TCF4: variants seen among roughly 807,000 people sequenced by gnomAD.
TCF4 encodes the protein SL3-3 enhancer factor 2.
In TCF4, 3 loss-of-function variants were observed where a neutral mutation model predicts 82.1. That is an observed-to-expected ratio of 0.04 (90% CI 0.02 to 0.09). TCF4 has a LOEUF of 0.09. TCF4 is among the 10% of genes least tolerant of loss of function. The pLI is 1.00. For synonymous variants in TCF4, 276 were observed against 309.6 expected (o/e 0.89, Z 1.14); for missense variants, 518 against 852.7 (o/e 0.61, Z 4.89).
intron 2 of TCF4, among the ~76,000 whole-genome samples, chr18:55,628,522 G>A (rs2097728734): frequency 6.6e-6 from 1 of 151,780 alleles, no homozygotes; most frequent in Admixed American, 6.6e-5. Flanking sequence ...TAAATGTTGT[G>A]TTTAGTGGGC....
At chr18:55,523,981 A>T (rs1471277678) in intron 3 of TCF4, among the ~76,000 whole-genome samples, 1 of 152,140 alleles carries the variant, frequency 6.6e-6, no homozygotes, top group Non-Finnish European at 1.5e-5. Flanking sequence ...GCAAACTTAC[A>T]CTTAAATATT....
chr18:55,595,264 T>G (rs1603625109), intron 2 of TCF4, among the ~76,000 whole-genome samples: 1 of 152,162 alleles, frequency 6.6e-6, no homozygotes, highest in East Asian at 1.9e-4. Flanking sequence ...CACCTAAAAG[T>G]AGGAAAAATC....
rs181081141 is a variant in TCF4 at position 55,595,100 on chromosome 18, A to G, written c.287-7964T>C. Among the ~76,000 whole-genome samples the G allele has an allele frequency of 1.8e-4, 28 of 152,350 alleles. No homozygotes were observed. In the South Asian group the frequency reaches 2.9e-3, roughly 16 times the overall value. ...CTTAAAATAGAACACTCAGACTGCA[A>G]CAGAGAAAACAGTTTTATGATTAGA... On this transcript the variant is annotated intron_variant, in intron 2 of 20. Coordinates refer to the TCF4 transcript ENST00000398339.
intron 16 of TCF4, 148 bp downstream of exon 16, chr18:55,234,400 C>A: frequency 9.1e-7 from 1 of 1,098,390 alleles, no homozygotes; most frequent in Admixed American, 2.2e-5. Flanking sequence ...GTTCTAAATA[C>A]TTTGCCATTT....
At chr18:55,330,425 G>A (rs2077342374) in intron 8 of TCF4, among the ~76,000 whole-genome samples, 1 of 151,954 alleles carries the variant, frequency 6.6e-6, no homozygotes, top group Non-Finnish European at 1.5e-5. Flanking sequence ...TGATCCGCCT[G>A]CCTCGGCCTC....
At chr18:55,359,279 T>G (rs1052518571) in intron 6 of TCF4, among the ~76,000 whole-genome samples, 11 of 152,326 alleles carry the variant, frequency 7.2e-5, no homozygotes, top group African/African-American at 2.6e-4. Context: ...TTTCAAATTA[T>G]TTTTCTTTTT....
intron 8 of TCF4, among the ~76,000 whole-genome samples, chr18:55,329,976 G>A (rs2077226254): frequency 6.6e-6 from 1 of 152,136 alleles, no homozygotes; most frequent in African/African-American, 2.4e-5. Flanking sequence ...TGCCGAGTGG[G>A]TTGTGTTCTC....
intron 8 of TCF4, among the ~76,000 whole-genome samples, chr18:55,287,001 A>C (rs1292511256): frequency 6.6e-6 from 1 of 152,208 alleles, no homozygotes; most frequent in Non-Finnish European, 1.5e-5. Context: ...AGAATTAACT[A>C]AATAGTTCTA....
At chr18:55,257,138 C>T (rs1226669643) in intron 14 of TCF4, among the ~76,000 whole-genome samples, 177 bp downstream of exon 14, 1 of 152,088 alleles carries the variant, frequency 6.6e-6, no homozygotes, top group African/African-American at 2.4e-5. Flanking sequence ...TCTGGGTTCC[C>T]ATCTCCAAAT....
intron 6 of TCF4, among the ~76,000 whole-genome samples, chr18:55,379,180 TA>T (rs2091432868): frequency 6.6e-6 from 1 of 152,230 alleles, no homozygotes; most frequent in East Asian, 1.9e-4. Flanking sequence ...GTGAAGAACT[TA>T]TTTCTTTTCT....
chr18:55,392,413 G>T (rs1456300500), intron 6 of TCF4, among the ~76,000 whole-genome samples: 2 of 142,644 alleles, frequency 1.4e-5, no homozygotes, highest in Non-Finnish European at 3.0e-5. Context: ...CAGCCCAGGG[G>T]TTTGAGTCCC....
At chr18:55,229,152 C>G in intron 17 of TCF4, 76 bp from the exon 18 acceptor site, 16 of 1,546,566 alleles carry the variant, frequency 1.0e-5, no homozygotes, top group Non-Finnish European at 1.4e-5. Flanking sequence ...TTGTTTTCTT[C>G]CAGAGTTTTC....
At chr18:55,435,846 G>A (rs1468274812) in intron 5 of TCF4, among the ~76,000 whole-genome samples, 1 of 152,094 alleles carries the variant, frequency 6.6e-6, no homozygotes, top group Non-Finnish European at 1.5e-5. Context: ...GCTCCCACAG[G>A]ACCCTATATT....
intron 15 of TCF4, among the ~76,000 whole-genome samples, chr18:55,235,256 C>T (rs1397353318): frequency 6.6e-6 from 1 of 152,082 alleles, no homozygotes; most frequent in Non-Finnish European, 1.5e-5. Flanking sequence ...CCAAAACTGG[C>T]AGCCCATTCC....
chr18:55,245,778 C>A (rs1192149002), intron 15 of TCF4, among the ~76,000 whole-genome samples: 1 of 151,076 alleles, frequency 6.6e-6, no homozygotes, highest in Admixed American at 6.6e-5. Flanking sequence ...CTTTTCCTAG[C>A]GGTCTGAATT....
intron 3 of TCF4, among the ~76,000 whole-genome samples, chr18:55,514,440 CACACA>C (rs1568286454): frequency 4.2e-4 from 63 of 148,300 alleles, no homozygotes; most frequent in South Asian, 2.5e-3. Context: ...CACACACACA[CACACA>C]CCCCAATCAT....
intron 5 of TCF4, among the ~76,000 whole-genome samples, chr18:55,418,003 A>ATGTG (rs201657057): frequency 0.011 from 1,516 of 143,454 alleles, 13 homozygotes; most frequent in Non-Finnish European, 0.011. Flanking sequence ...TCTTGAGCAA[A>ATGTG]TGTGTGTGTG....
chr18:55,446,073 C>G (rs1254320789), intron 5 of TCF4, among the ~76,000 whole-genome samples: 1 of 152,024 alleles, frequency 6.6e-6, no homozygotes, highest in South Asian at 2.1e-4. Context: ...TAATGTTTTT[C>G]CCCCTTCCTG....
chr18:55,529,651 T>C (rs1382630295), intron 3 of TCF4, among the ~76,000 whole-genome samples: 1 of 152,164 alleles, frequency 6.6e-6, no homozygotes, highest in Non-Finnish European at 1.5e-5. Flanking sequence ...CTAAAATCTC[T>C]GCAGGGAATC....
Sources: allele counts gnomAD v4.1 joint callset (sites outside exome capture counted in the v4.1 genomes callset), GRCh38; gene constraint gnomAD v4.1.1; transcripts MANE v1.5; gene names NCBI Gene and HGNC (gene_info 2026-07-23, HGNC 2026-07-21).